The following MTCL2 variants were observed in gnomAD, a reference collection of about 807,000 sequenced individuals.
The protein encoded by MTCL2 is microtubule cross-linking factor 2.
chr20:36,781,549 A>G, the MTCL2 span: 1 of 151,406 alleles, frequency 6.6e-6, no homozygotes, highest in East Asian at 1.9e-4. Context: ...AAAAAAAAGA[A>G]AAAGGAAGAT....
At chr20:36,817,427 C>T in the MTCL2 span, 101 of 1,592,510 alleles carry the variant, frequency 6.3e-5, no homozygotes, top group Middle Eastern at 3.4e-4. Flanking sequence ...GTCTTCTTAT[C>T]GGCCTTCCCC....
chr20:36,835,852 C>CCCGCCG, the MTCL2 span, among the ~76,000 whole-genome samples: 137 of 152,212 alleles, frequency 9.0e-4, no homozygotes, highest in African/African-American at 3.1e-3. Context: ...CACCCGCCTC[C>CCCGCCG]CCGCCGCCGC....
At chr20:36,856,818 T>C in the MTCL2 span, among the ~76,000 whole-genome samples, 1 of 152,244 alleles carries the variant, frequency 6.6e-6, no homozygotes, top group Non-Finnish European at 1.5e-5. Context: ...CCTGTTTCTG[T>C]GTGTGGATGA....
the MTCL2 span, among the ~76,000 whole-genome samples, chr20:36,841,821 C>G: frequency 6.6e-6 from 1 of 151,618 alleles, no homozygotes; most frequent in Non-Finnish European, 1.5e-5. Context: ...ACCTTAGCCT[C>G]CCAAGTAGTT....
At chr20:36,832,178 G>A in the MTCL2 span, among the ~76,000 whole-genome samples, 2 of 152,232 alleles carry the variant, frequency 1.3e-5, no homozygotes, top group African/African-American at 2.4e-5. Context: ...TACATGGGGA[G>A]TGGTACCTGC....
chr20:36,835,884 C>T, the MTCL2 span, among the ~76,000 whole-genome samples: 1 of 152,244 alleles, frequency 6.6e-6, no homozygotes, highest in Non-Finnish European at 1.5e-5. Flanking sequence ...TAGCTCCACC[C>T]ACGGAGGCGC....
At chr20:36,804,610 C>G in the MTCL2 span, 1 of 1,311,198 alleles carries the variant, frequency 7.6e-7, no homozygotes. Flanking sequence ...CTCTCTGGGC[C>G]ACAGGTGAAG....
the MTCL2 span, among the ~76,000 whole-genome samples, chr20:36,788,771 C>CT: frequency 1.3e-5 from 2 of 151,800 alleles, no homozygotes; most frequent in Non-Finnish European, 2.9e-5. Flanking sequence ...CTTTGATTTC[C>CT]TCCCCTCTCT....
At chr20:36,815,607 G>A in the MTCL2 span, 2 of 1,595,766 alleles carry the variant, frequency 1.3e-6, no homozygotes, top group African/African-American at 1.3e-5. This position sits in a 1 kb window ranked among gnomAD's most constrained non-coding sequence, Gnocchi z 5.3. Flanking sequence ...CATGGGCCGC[G>A]TACTCTGGCA....
chr20:36,807,380 A>G, the MTCL2 span, among the ~76,000 whole-genome samples: 1 of 152,176 alleles, frequency 6.6e-6, no homozygotes, highest in Non-Finnish European at 1.5e-5. Flanking sequence ...AGGGGACTAC[A>G]GAGAGCAGCC....
chr20:36,860,031 C>G, the MTCL2 span, among the ~76,000 whole-genome samples: 3 of 152,270 alleles, frequency 2.0e-5, 1 homozygote, highest in Admixed American at 2.0e-4. Flanking sequence ...TGGATTTTGA[C>G]CCTGCCTCTG....
chr20:36,846,543 T>A, the MTCL2 span, among the ~76,000 whole-genome samples: 2 of 152,228 alleles, frequency 1.3e-5, no homozygotes, highest in Admixed American at 6.5e-5. Flanking sequence ...ATAGCTGTTT[T>A]TGGAGAAAAT....
At chr20:36,863,469 G>A in the MTCL2 span, 1 of 663,510 alleles carries the variant, frequency 1.5e-6, no homozygotes, top group Non-Finnish European at 2.0e-6. This position sits in a 1 kb window ranked among gnomAD's most constrained non-coding sequence, Gnocchi z 6.2. Flanking sequence ...GCCCACCTCG[G>A]CCCCGACACC....
the MTCL2 span, among the ~76,000 whole-genome samples, chr20:36,835,659 G>A: frequency 6.6e-6 from 1 of 152,162 alleles, no homozygotes; most frequent in Non-Finnish European, 1.5e-5. Context: ...GGCTCAGGGT[G>A]GTGGCCAGAG....
At chr20:36,836,341 ATTTTTTT>A in the MTCL2 span, among the ~76,000 whole-genome samples, 236 of 85,444 alleles carry the variant, frequency 2.8e-3, no homozygotes, top group Non-Finnish European at 4.2e-3. Context: ...CGCCCAGCTA[ATTTTTTT>A]TTTTTTTTTT....
the MTCL2 span, chr20:36,777,853 G>T: frequency 1.6e-6 from 1 of 626,114 alleles, no homozygotes. Context: ...GCTGCTGGGG[G>T]TTGGAGCTGT....
At chr20:36,816,139 G>T in the MTCL2 span, 1 of 1,613,636 alleles carries the variant, frequency 6.2e-7, no homozygotes. Context: ...GCATCGGCCA[G>T]CTCCTCGGCT....
chr20:36,788,811 T>C, the MTCL2 span, among the ~76,000 whole-genome samples: 54,374 of 134,510 alleles, frequency 0.4, 10,734 homozygotes, highest in East Asian at 0.61. Flanking sequence ...CTTTTCTTTT[T>C]TTTTTTTTTT....
At chr20:36,785,580 T>A in the MTCL2 span, 1 of 985,330 alleles carries the variant, frequency 1.0e-6, no homozygotes, top group Non-Finnish European at 1.2e-6. Flanking sequence ...GTAAACACAG[T>A]GGAGATGTAG....
Sources: gnomAD v4.1 joint callset for allele counts (sites outside exome capture counted in the v4.1 genomes callset) on GRCh38, gnomAD v4.1.1 for gene constraint, Gnocchi (gnomAD v3.1) non-coding constraint, MANE v1.5 for transcripts, NCBI Gene and HGNC (gene_info 2026-07-23, HGNC 2026-07-21) for gene names.